Variants in CCN6 observed in about 807,000 individuals in gnomAD.
CCN6 encodes the protein CCN family member 6.
A neutral mutation model predicts 37.4 loss-of-function variants in CCN6; 31 were observed. That is an observed-to-expected ratio of 0.83 (90% confidence interval 0.62 to 1.12). CCN6 has a LOEUF of 1.12. Among genes scored for constraint, CCN6 ranks in the 50% most tolerant of loss-of-function variants. CCN6 has a pLI of 0.00. For missense variants in CCN6, 369 were observed against 413.8 expected (o/e 0.89, Z 0.94); for synonymous variants, 137 against 142.1 (o/e 0.96, Z 0.26).
chr6:112,068,094 A>T, intron 3 of CCN6, 111 bp from the exon 4 acceptor site: 2 of 930,110 alleles, frequency 2.2e-6, no homozygotes, highest in Middle Eastern at 3.4e-4. Flanking sequence ...ATTCTGAGTT[A>T]TATTATACAA....
rs1776665096 is a variant in CCN6 at position 112,065,611 on chromosome 6, C to A, written c.589+614C>A. Among the ~76,000 whole-genome samples, 3 of 132,450 alleles carry A rather than the reference C, an allele frequency of 2.3e-5. No homozygotes were observed. In the Middle Eastern group the frequency reaches 0.011, roughly 480 times the overall value. 86.9% of individuals were successfully genotyped at this position (132,450 alleles called of 152,430 possible). On this transcript the variant is annotated intron_variant, in intron 3 of 4. Transcript: ENST00000368666. ...ACGCACACACACACAAACACACACG[C>A]ACACACACACGCACGCACACACACA...
At chr6:112,057,998 G>A (rs1427845601) in intron 1 of CCN6, among the ~76,000 whole-genome samples, 1 of 152,186 alleles carries the variant, frequency 6.6e-6, no homozygotes, top group Admixed American at 6.5e-5. Flanking sequence ...CAGCAAAGAG[G>A]CCACTGAACC....
intron 1 of CCN6, among the ~76,000 whole-genome samples, chr6:112,060,593 A>G (rs1776483559): frequency 6.6e-6 from 1 of 152,100 alleles, no homozygotes; most frequent in Non-Finnish European, 1.5e-5. Context: ...ATCAAAGTGG[A>G]GATGTTAAGT....
At chr6:112,061,462 G>T (rs1394637275) in intron 2 of CCN6, 174 bp downstream of exon 2, 4 of 785,516 alleles carry the variant, frequency 5.1e-6, no homozygotes, top group Non-Finnish European at 8.5e-6. Flanking sequence ...GAAATTAGCA[G>T]ATGCTTACAC....
intron 3 of CCN6, chr6:112,067,121 A>T: frequency 1.0e-6 from 1 of 998,604 alleles, no homozygotes; most frequent in Admixed American, 2.6e-5. Context: ...GTGTCACAGT[A>T]TCAATTAAAA....
At chr6:112,061,626 A>G (rs898537987) in intron 2 of CCN6, among the ~76,000 whole-genome samples, 12 of 152,226 alleles carry the variant, frequency 7.9e-5, no homozygotes, top group African/African-American at 2.9e-4. Context: ...TGTCAAAAAC[A>G]ATCCGAATTC....
intron 3 of CCN6, among the ~76,000 whole-genome samples, chr6:112,067,631 A>T (rs1776738601): frequency 1.3e-5 from 2 of 152,192 alleles, no homozygotes; most frequent in South Asian, 4.1e-4. Context: ...TACGCTTGCA[A>T]TGACTTTCTA....
intron 3 of CCN6, among the ~76,000 whole-genome samples, chr6:112,066,783 G>A (rs1177533329): frequency 2.7e-5 from 4 of 149,726 alleles, no homozygotes; most frequent in Non-Finnish European, 5.9e-5. Flanking sequence ...ATGACATAAT[G>A]CCCTCATGCT....
chr6:112,062,251 A>T (rs1056219739), intron 2 of CCN6, among the ~76,000 whole-genome samples: 1 of 152,228 alleles, frequency 6.6e-6, no homozygotes, highest in African/African-American at 2.4e-5. Flanking sequence ...AAATAATGAC[A>T]TAAAACGCCT....
At chr6:112,054,739 T>C (rs1265772742) in intron 1 of CCN6, 2 of 306,520 alleles carry the variant, frequency 6.5e-6, no homozygotes, top group African/African-American at 2.1e-5. Flanking sequence ...TGTCTCTCCA[T>C]GCCAGCTCCA....
chr6:112,061,608 G>A (rs1301377884), intron 2 of CCN6, among the ~76,000 whole-genome samples: 12 of 152,248 alleles, frequency 7.9e-5, no homozygotes, highest in Non-Finnish European at 1.2e-4. Flanking sequence ...GACAGCTTTT[G>A]TTAATACTGT....
rs782400833 is a variant in CCN6, at chr6:112,055,783, T to C, written c.48+1378T>C. ...TTTTTGTATTTTAGTAGAGATAGGG[T>C]TTTGCCCTGTTGGCCAAGCTGGTCT... On this transcript the variant is annotated intron_variant, in intron 1 of 4. Transcript: ENST00000368666. Among the ~76,000 whole-genome samples, 126 of 152,162 alleles carry C rather than the reference T, an allele frequency of 8.3e-4. 1 individual carries two copies. The highest frequency in any genetic ancestry group is 1.2e-3 in the South Asian group (6 of 4,824).
At chr6:112,061,506 G>A (rs1776522203) in intron 2 of CCN6, 7 of 604,378 alleles carry the variant, frequency 1.2e-5, no homozygotes, top group South Asian at 2.1e-5. Context: ...ATTGCACTGA[G>A]GTGATTTTGC....
chr6:112,053,279 G>A (rs1554311037), upstream of CCN6, among the ~76,000 whole-genome samples: 1 of 141,654 alleles, frequency 7.1e-6, no homozygotes, highest in East Asian at 2.2e-4. Context: ...GTACAAACCT[G>A]TCAAAATTTT....
At chr6:112,061,541 A>C in intron 2 of CCN6, 1 of 553,066 alleles carries the variant, frequency 1.8e-6, no homozygotes, top group South Asian at 2.2e-5. Context: ...AATTGCTTTT[A>C]ATGATAGAAA....
At position 112,061,202 on chromosome 6, in the gene CCN6, A is replaced by G; in HGVS notation, c.260A>G (p.Asn87Ser). 1.2e-6 allele frequency: 2 copies of G among 1,614,214 alleles called. No individual in the cohort carries two copies. Among genetic ancestry groups the G allele is most frequent in the Non-Finnish European group, 1.7e-6 (2 of 1,180,028 alleles). ...GCCAAGCAACCAGGGGAAATCTGCA[A>G]TGAAGCTGACCTCTGTGACCCACAC... The part of the protein sequence containing the change: ...ICAKQPGEIC[N>S]EADLCDPHKG... The change falls in exon 2 of 5, where the codon AAT (asparagine) becomes AGT (serine). Residue 87 changes from asparagine (N) to serine (S), a missense_variant. Coordinates refer to ENST00000368666, the MANE Select transcript of CCN6 (RefSeq NM_198239.2).
Position 112,061,231 on chromosome 6 carries a change from G to C in CCN6, c.289G>C (p.Gly97Arg). The change falls in exon 2 of 5, where the codon GGG (glycine) becomes CGG (arginine). Residue 97 changes from glycine to arginine, a missense_variant. Physicochemically the swap from Gly to Arg is moderately radical, Grantham distance 125 (BLOSUM62 -2). Transcript: ENST00000368666. ...AGCTGACCTCTGTGACCCACACAAA[G>C]GGCTGTATTGTGACTACTCAGTAGA... Reference protein sequence around the residue: ...NEADLCDPHKGLYCDYSVDRP... With the variant: ...NEADLCDPHKRLYCDYSVDRP... The C allele has an allele frequency of 6.2e-7, 1 of 1,614,186 alleles. No individual in the cohort carries two copies. Among genetic ancestry groups the C allele is most frequent in the Non-Finnish European group, 8.5e-7 (1 of 1,180,030 alleles).
rs1554314515 is a variant in CCN6 at position 112,068,345 on chromosome 6, A to G, written c.730A>G (p.Lys244Glu). ...ENSNCEMRKE[K>E]RLCYIQPCDS... The stretch of plus-strand genomic sequence containing the variant: ...CAGCAACTGTGAAATGAGAAAAGAG[A>G]AAAGACTGTGTTACATTCAGCCTTG... Residue 244 changes from lysine to glutamate, a missense_variant, in exon 4 of 5, where the codon AAA (lysine) becomes GAA (glutamate). Coordinates refer to ENST00000368666, the MANE Select transcript of CCN6 (RefSeq NM_198239.2). 3.0e-5 allele frequency: 49 copies of G among 1,613,322 alleles called. No homozygotes were observed. Among genetic ancestry groups the G allele is most frequent in the Non-Finnish European group, 4.1e-5 (48 of 1,179,540 alleles).
chr6:112,067,154 C>T (rs587623045), intron 3 of CCN6: 2 of 645,516 alleles, frequency 3.1e-6, no homozygotes, highest in African/African-American at 4.0e-5. Flanking sequence ...TTTAAAGAGA[C>T]TATTTCCTAT....
Sources: allele counts gnomAD v4.1 joint callset (sites outside exome capture counted in the v4.1 genomes callset), GRCh38; gene constraint gnomAD v4.1.1; transcripts MANE v1.5; gene names NCBI Gene and HGNC (gene_info 2026-07-23, HGNC 2026-07-21).